VAC14: variants seen among roughly 807,000 people sequenced by gnomAD.
The protein encoded by VAC14 is protein VAC14 homolog.
In VAC14, 47 loss-of-function variants were observed where a neutral mutation model predicts 85.3. That is an observed-to-expected ratio of 0.55 (90% CI 0.44 to 0.70). The LOEUF (loss-of-function observed/expected upper bound fraction) is 0.70, where lower values mean the gene tolerates loss of function less well. Ranked by LOEUF, VAC14 falls within the 30% of genes least tolerant of loss-of-function variation. VAC14 has a pLI of 0.00. For missense variants in VAC14, 861 were observed against 1,004.3 expected, an observed-to-expected ratio of 0.86 and a Z score of 1.93; for synonymous variants, 447 against 430.5, an observed-to-expected ratio of 1.04 and a Z score of -0.47.
intron 1 of VAC14, among the ~76,000 whole-genome samples, chr16:70,790,493 C>A (rs1006583621): frequency 2.6e-5 from 4 of 152,132 alleles, no homozygotes; most frequent in Admixed American, 2.6e-4. Flanking sequence ...TGAGCTCGCA[C>A]GTGATGTGAA....
intron 17 of VAC14, among the ~76,000 whole-genome samples, chr16:70,695,205 G>A (rs2053681444): frequency 6.6e-6 from 1 of 151,456 alleles, no homozygotes; most frequent in African/African-American, 2.4e-5. Flanking sequence ...TCAACCTCCT[G>A]GGCTCAAGTG....
chr16:70,783,121 T>G lies in VAC14; in HGVS notation c.723A>C (p.Gly241=). 6.2e-7 allele frequency: 1 copy of G among 1,614,050 alleles called. No homozygotes were observed. Among genetic ancestry groups the G allele is most frequent in the Non-Finnish European group, 8.5e-7 (1 of 1,180,010 alleles). The change falls in exon 7 of 19, where the codon GGA becomes GGC. Residue 241 remains glycine, a synonymous_variant. Transcript: ENST00000261776. ...EIRKMCEVVL[G]EFLKEIKKNP... is the part of the protein sequence containing the mutation. ...TCTTCTTAATTTCTTTTAAGAATTCTCCAAGAACAACCTCACACCTATGAA... is the reference window on the plus strand; with the variant it reads ...TCTTCTTAATTTCTTTTAAGAATTCGCCAAGAACAACCTCACACCTATGAA...
intron 13 of VAC14, among the ~76,000 whole-genome samples, chr16:70,738,464 G>A (rs902627730): frequency 3.3e-5 from 5 of 152,194 alleles, no homozygotes; most frequent in East Asian, 1.9e-4. Flanking sequence ...GGGACTTCCA[G>A]CTGACGCGGC....
intron 14 of VAC14, among the ~76,000 whole-genome samples, chr16:70,724,670 T>G (rs2054377844): frequency 6.6e-6 from 1 of 152,180 alleles, no homozygotes; most frequent in African/African-American, 2.4e-5. Context: ...CTGCGTCCCT[T>G]GCATGGCGAC....
intron 4 of VAC14, 80 bp downstream of exon 4, chr16:70,784,696 C>T: frequency 7.6e-7 from 1 of 1,312,572 alleles, no homozygotes; most frequent in Non-Finnish European, 1.1e-6. Context: ...AGAACATTCC[C>T]AATGACAGAA....
rs1206995202 is a variant in VAC14, at chr16:70,761,265, A to G, written c.1371+1275T>C. On this transcript the variant is annotated intron_variant, in intron 12 of 18. Coordinates refer to ENST00000261776, the MANE Select transcript of VAC14 (RefSeq NM_018052.5). ...CCTCACTCCATGGGGACTGGTGAGCAATAGCCCTCTCCCATCCCCCCCACC... is the reference window on the plus strand; with the variant it reads ...CCTCACTCCATGGGGACTGGTGAGCGATAGCCCTCTCCCATCCCCCCCACC... 1.4e-5 allele frequency: 6 copies of G among 435,390 alleles called. No individual in the cohort carries two copies. The East Asian group carries it at 3.9e-4, about 28-fold the overall frequency. The allele number at this position is 435,390 out of a possible 1,614,324, so 27.0% of individuals were successfully genotyped here. A position where few individuals can be genotyped will look rare whatever the true frequency, so the allele number is the denominator to read the frequency against.
intron 14 of VAC14, among the ~76,000 whole-genome samples, chr16:70,723,502 T>C (rs2054347412): frequency 6.6e-6 from 1 of 152,210 alleles, no homozygotes; most frequent in Admixed American, 6.5e-5. Flanking sequence ...TGGTACACAT[T>C]AGCTACTTGT....
intron 1 of VAC14, among the ~76,000 whole-genome samples, chr16:70,795,153 C>T (rs2034489988): frequency 6.6e-6 from 1 of 152,076 alleles, no homozygotes; most frequent in Non-Finnish European, 1.5e-5. Context: ...ATGAAACTGC[C>T]CAACAACACA....
intron 12 of VAC14, among the ~76,000 whole-genome samples, chr16:70,751,503 C>A (rs531050349): frequency 3.3e-5 from 5 of 152,340 alleles, no homozygotes; most frequent in African/African-American, 1.2e-4. Flanking sequence ...GTACACAGGC[C>A]CCGAGGGCAG....
chr16:70,774,689 TA>T (rs1178858810), intron 9 of VAC14, among the ~76,000 whole-genome samples: 38 of 152,060 alleles, frequency 2.5e-4, no homozygotes, highest in Admixed American at 1.8e-3. Flanking sequence ...CATTATTGAC[TA>T]AAATTTTCTT....
At chr16:70,738,269 T>G (rs1326598746) in intron 13 of VAC14, among the ~76,000 whole-genome samples, 1 of 151,934 alleles carries the variant, frequency 6.6e-6, no homozygotes. Flanking sequence ...CACAGCTACG[T>G]AGACAAAGGC....
rs2053689314 is a variant in VAC14 at position 70,695,584 on chromosome 16, C to T, written c.1995G>A (p.Val665=). The change falls in exon 17 of 19, where the codon GTG becomes GTA. Residue 665 remains valine, a synonymous_variant. Coordinates refer to ENST00000261776, the MANE Select transcript of VAC14 (RefSeq NM_018052.5). The stretch of plus-strand genomic sequence containing the variant: ...ACTCAATCAGCTGCACCAGCTTGTC[C>T]ACCTCTGCGAGGAAGTCCACGGTGA... ...LEVTVDFLAE[V]DKLVQLIECP... 1.9e-6 allele frequency: 3 copies of T among 1,613,836 alleles called. No homozygotes were observed. Among genetic ancestry groups the T allele is most frequent in the Non-Finnish European group, 2.5e-6 (3 of 1,180,002 alleles).
chr16:70,764,022 G>C (rs1054769761), intron 10 of VAC14, among the ~76,000 whole-genome samples: 2 of 152,196 alleles, frequency 1.3e-5, no homozygotes, highest in Non-Finnish European at 2.9e-5. Flanking sequence ...CTAAGGACCT[G>C]GGCCAGCAGA....
rs578126154 is a variant in VAC14, at chr16:70,722,424, A to G, written c.1661+9071T>C. ...AGGTGCCTGGTCTGGGCGGCCTTTC[A>G]CAAACCGCATGCAGCAGAAACCCTT... On this transcript the variant is annotated intron_variant, in intron 14 of 18. Coordinates refer to ENST00000261776, the MANE Select transcript of VAC14 (RefSeq NM_018052.5). 7.2e-5 allele frequency among the ~76,000 whole-genome samples: 11 copies of G among 152,318 alleles called. No homozygotes were observed. The South Asian group carries it at 2.3e-3, about 32-fold the overall frequency.
At chr16:70,716,280 T>A (rs146024576) in intron 14 of VAC14, 1 of 152,246 alleles carries the variant, frequency 6.6e-6, no homozygotes, top group Non-Finnish European at 1.5e-5. Flanking sequence ...ACAGCTGGCA[T>A]GGGGCCTGGC....
chr16:70,707,112 C>T (rs1339067805), intron 14 of VAC14, among the ~76,000 whole-genome samples: 2 of 152,198 alleles, frequency 1.3e-5, no homozygotes, highest in East Asian at 1.9e-4. Context: ...TAGTCCAGAA[C>T]GCTCCAGAAT....
intron 14 of VAC14, chr16:70,714,162 A>C (rs2054099208): frequency 2.0e-5 from 3 of 152,212 alleles, no homozygotes; most frequent in African/African-American, 7.2e-5. Context: ...GGGCTGGGGC[A>C]GAGAGGTGGC....
At chr16:70,764,734 G>T (rs1348488804) in intron 10 of VAC14, among the ~76,000 whole-genome samples, 1 of 152,098 alleles carries the variant, frequency 6.6e-6, no homozygotes, top group African/African-American at 2.4e-5. Context: ...AAGCCTTTGG[G>T]ACCTGGTGTG....
chr16:70,758,986 G>A (rs1053134203), intron 12 of VAC14, among the ~76,000 whole-genome samples: 8 of 152,248 alleles, frequency 5.3e-5, no homozygotes, highest in African/African-American at 1.9e-4. Flanking sequence ...AGAGGGTGGA[G>A]ACTAACGAGG....
Sources: allele counts gnomAD v4.1 joint callset (sites outside exome capture counted in the v4.1 genomes callset), GRCh38; gene constraint gnomAD v4.1.1; transcripts MANE v1.5; gene names NCBI Gene and HGNC (gene_info 2026-07-23, HGNC 2026-07-21).